CNTNAP4: variants seen among roughly 807,000 people sequenced by gnomAD.
CNTNAP4 encodes the protein contactin-associated protein-like 4.
In CNTNAP4, 98 loss-of-function variants were observed where a neutral mutation model predicts 148.4. The observed-to-expected ratio is 0.66, with a 90% CI of 0.56 to 0.78. The LOEUF is 0.78. Ranked by LOEUF, CNTNAP4 falls within the 30% of genes least tolerant of loss-of-function variation. The pLI is 0.00. For missense variants in CNTNAP4, 1,935 were observed against 1,565.6 expected, an observed-to-expected ratio of 1.24 and a Z score of -3.98; for synonymous variants, 730 against 565.1, an observed-to-expected ratio of 1.29 and a Z score of -4.14.
chr16:76,545,492 G>C (rs907519847), intron 21 of CNTNAP4, among the ~76,000 whole-genome samples: 2 of 152,146 alleles, frequency 1.3e-5, no homozygotes, highest in African/African-American at 4.8e-5. Flanking sequence ...GGTCCCCGTG[G>C]AGTGGGCAAG....
At chr16:76,503,542 AT>A in intron 15 of CNTNAP4, among the ~76,000 whole-genome samples, 1 of 152,170 alleles carries the variant, frequency 6.6e-6, no homozygotes, top group East Asian at 1.9e-4. Flanking sequence ...ATTTTTTATT[AT>A]TATACTTTAA....
At chr16:76,522,979 G>A (rs370893583) in intron 17 of CNTNAP4, among the ~76,000 whole-genome samples, 2 of 151,908 alleles carry the variant, frequency 1.3e-5, no homozygotes, top group African/African-American at 4.8e-5. Context: ...TGGCCAGGCT[G>A]GTCTTGAACT....
intron 2 of CNTNAP4, among the ~76,000 whole-genome samples, chr16:76,328,188 C>T (rs999191522): frequency 1.3e-5 from 2 of 152,176 alleles, no homozygotes; most frequent in African/African-American, 4.8e-5. Flanking sequence ...AGAAATCTGA[C>T]AAACACCACC....
At chr16:76,393,443 A>G (rs2078094840) in intron 3 of CNTNAP4, among the ~76,000 whole-genome samples, 1 of 152,142 alleles carries the variant, frequency 6.6e-6, no homozygotes, top group Non-Finnish European at 1.5e-5. Context: ...TTATATATTC[A>G]TTCAGTCAGT....
At position 76,458,141 on chromosome 16, in the gene CNTNAP4, C is replaced by T. The variant is rs555971044; in HGVS notation, c.1334-3815C>T. On this transcript the variant is annotated intron_variant, in intron 8 of 23. Coordinates refer to ENST00000611870, the MANE Select transcript of CNTNAP4 (RefSeq NM_033401.5). ...ACAATGTTATTCCATTCTTTTTTAT[C>T]GCTACATAATATTCTGTGATGTATA... Among the ~76,000 whole-genome samples the T allele has an allele frequency of 1.7e-4, 26 of 152,246 alleles. 1 individual carries two copies. The highest frequency in any genetic ancestry group is 5.8e-4 in the East Asian group (3 of 5,180).
At chr16:76,520,028 A>G (rs149073411) in intron 15 of CNTNAP4, among the ~76,000 whole-genome samples, 101 of 152,350 alleles carry the variant, frequency 6.6e-4, no homozygotes, top group Admixed American at 2.2e-3. Flanking sequence ...GCTGTTTTCC[A>G]ACATCAGAGG....
At chr16:76,423,433 G>A (rs7203050) in intron 3 of CNTNAP4, among the ~76,000 whole-genome samples, 1 of 151,934 alleles carries the variant, frequency 6.6e-6, no homozygotes, top group Non-Finnish European at 1.5e-5. Context: ...CTCAAGTAAT[G>A]CTGACATATA....
intron 3 of CNTNAP4, among the ~76,000 whole-genome samples, chr16:76,366,228 C>T (rs1163025172): frequency 6.6e-6 from 1 of 152,074 alleles, no homozygotes; most frequent in Non-Finnish European, 1.5e-5. Context: ...ATTTTGTCAG[C>T]CAGGTACTAA....
intron 15 of CNTNAP4, among the ~76,000 whole-genome samples, chr16:76,505,481 G>A (rs1481399548): frequency 1.0e-5 from 1 of 96,860 alleles, no homozygotes; most frequent in African/African-American, 2.6e-5. Context: ...GAGGTGAGAG[G>A]AATTTTACAC....
At chr16:76,278,970 A>G (rs1257531303) in intron 1 of CNTNAP4, among the ~76,000 whole-genome samples, 2 of 152,238 alleles carry the variant, frequency 1.3e-5, no homozygotes, top group Admixed American at 1.3e-4. Flanking sequence ...ACCTCACTTC[A>G]GGTGCTGCAC....
intron 15 of CNTNAP4, among the ~76,000 whole-genome samples, chr16:76,511,332 G>A (rs2083018389): frequency 6.6e-6 from 1 of 152,132 alleles, no homozygotes; most frequent in South Asian, 2.1e-4. Flanking sequence ...CATTTTGTCT[G>A]CATCGACTAG....
intron 3 of CNTNAP4, among the ~76,000 whole-genome samples, chr16:76,419,322 C>T (rs954469223): frequency 1.3e-5 from 2 of 151,986 alleles, no homozygotes; most frequent in Non-Finnish European, 2.9e-5. Context: ...AAAGTCTTTT[C>T]TTCAGGAGAA....
intron 3 of CNTNAP4, among the ~76,000 whole-genome samples, chr16:76,385,235 C>T (rs1351951119): frequency 6.6e-6 from 1 of 152,214 alleles, no homozygotes; most frequent in Non-Finnish European, 1.5e-5. Flanking sequence ...AGCTGATTCT[C>T]ACTTTCCCTG....
intron 2 of CNTNAP4, among the ~76,000 whole-genome samples, chr16:76,343,526 C>T (rs544261146): frequency 2.0e-5 from 3 of 152,062 alleles, no homozygotes; most frequent in Non-Finnish European, 4.4e-5. Context: ...TAACTAGTAG[C>T]ATGTAATCTG....
chr16:76,401,589 G>T lies in CNTNAP4; in HGVS notation c.391-25863G>T, dbSNP rs767949854. Among the ~76,000 whole-genome samples the T allele has an allele frequency of 2.0e-5, 3 of 152,126 alleles. No homozygotes were observed. The South Asian group carries it at 6.2e-4, about 32-fold the overall frequency. On this transcript the variant is annotated intron_variant, in intron 3 of 23. Transcript: ENST00000611870. ...AGACTTCTGATACTATGTTGAACGA[G>T]AGTGGTGAGAGGGGGCATCCTTGTC... is the stretch of plus-strand genomic sequence containing the variant.
intron 1 of CNTNAP4, among the ~76,000 whole-genome samples, chr16:76,313,048 A>T (rs1194485763): frequency 1.3e-5 from 2 of 152,148 alleles, no homozygotes; most frequent in Non-Finnish European, 2.9e-5. Context: ...AACTTGACCA[A>T]ATATCACAAG....
chr16:76,424,216 T>A (rs1263075847), intron 3 of CNTNAP4, among the ~76,000 whole-genome samples: 1 of 152,196 alleles, frequency 6.6e-6, no homozygotes, highest in East Asian at 1.9e-4. Context: ...TCTGCCACTG[T>A]GCATCTTTTC....
chr16:76,542,292 TG>T (rs2084496442), intron 21 of CNTNAP4, among the ~76,000 whole-genome samples: 1 of 152,240 alleles, frequency 6.6e-6, no homozygotes, highest in African/African-American at 2.4e-5. Context: ...TATTCAGCTC[TG>T]GGTATGTAAC....
At chr16:76,466,742 G>A (rs1349732155) in intron 9 of CNTNAP4, among the ~76,000 whole-genome samples, 1 of 151,800 alleles carries the variant, frequency 6.6e-6, no homozygotes, top group Admixed American at 6.6e-5. Flanking sequence ...CTTTTATGAG[G>A]CAAAGAATAA....
Sources: gnomAD v4.1 joint callset for allele counts (sites outside exome capture counted in the v4.1 genomes callset) on GRCh38, gnomAD v4.1.1 for gene constraint, MANE v1.5 for transcripts, NCBI Gene and HGNC (gene_info 2026-07-23, HGNC 2026-07-21) for gene names.